Variants in ATXN1 observed in about 807,000 individuals in gnomAD.
ATXN1 encodes the protein ataxin-1.
ATXN1 carries 8 observed loss-of-function variants against 56.4 expected under a neutral mutation model. The ratio of observed to expected loss-of-function variants is 0.14; its 90% confidence interval spans 0.08 to 0.26. ATXN1 has a LOEUF of 0.26. Ranked by LOEUF, ATXN1 falls within the 10% of genes least tolerant of loss-of-function variation. ATXN1 has a pLI of 1.00. For missense variants in ATXN1, 987 were observed against 1,106.5 expected (o/e 0.89, Z 1.53); for synonymous variants, 514 against 494.6 (o/e 1.04, Z -0.52).
At chr6:16,530,540 G>A (rs1285778340) in intron 4 of ATXN1, among the ~76,000 whole-genome samples, 1 of 152,104 alleles carries the variant, frequency 6.6e-6, no homozygotes, top group Non-Finnish European at 1.5e-5. Flanking sequence ...ATCTTATTTG[G>A]ACTGTACAAA....
intron 4 of ATXN1, among the ~76,000 whole-genome samples, chr6:16,550,518 T>G (rs2113727577): frequency 6.6e-6 from 1 of 152,370 alleles, no homozygotes; most frequent in East Asian, 1.9e-4. Flanking sequence ...TGGTTACTGT[T>G]GACTATGCTC....
intron 6 of ATXN1, among the ~76,000 whole-genome samples, chr6:16,360,673 G>C (rs1219922459): frequency 6.6e-6 from 1 of 152,168 alleles, no homozygotes; most frequent in Non-Finnish European, 1.5e-5. Flanking sequence ...AAGTCCTTTA[G>C]CCAATCTTAG....
intron 2 of ATXN1, among the ~76,000 whole-genome samples, chr6:16,732,237 A>T (rs10484367): frequency 0.15 from 22,079 of 152,046 alleles, 1,676 homozygotes; most frequent in Middle Eastern, 0.24. Context: ...TCTCATCGTT[A>T]TACTGCTTGG....
rs184499487 is a variant in ATXN1, at chr6:16,504,471, A to G, written c.-299+18156T>C. On this transcript the variant is annotated intron_variant, in intron 5 of 7. Coordinates refer to ENST00000436367, the MANE Select transcript of ATXN1 (RefSeq NM_001128164.2). The stretch of plus-strand genomic sequence containing the variant: ...GTAGCACCCCCACCCCCAGAAACTA[A>G]TCATTTAATCTACAGTGCATATTAT... Among the ~76,000 whole-genome samples the G allele has an allele frequency of 3.3e-4, 51 of 152,296 alleles. 1 individual carries two copies. Among genetic ancestry groups the G allele is most frequent in the Non-Finnish European group, 1.0e-4 (7 of 68,014 alleles).
intron 5 of ATXN1, among the ~76,000 whole-genome samples, chr6:16,499,794 G>T (rs1440250129): frequency 2.0e-5 from 3 of 152,324 alleles, no homozygotes; most frequent in Non-Finnish European, 4.4e-5. Context: ...TACAGTGTAG[G>T]TTGTAGAATT....
intron 6 of ATXN1, among the ~76,000 whole-genome samples, chr6:16,385,457 G>A (rs10949352): frequency 0.12 from 17,793 of 152,140 alleles, 1,098 homozygotes; most frequent in African/African-American, 0.14. Flanking sequence ...CAGGGGAGAT[G>A]TCCCAGGCAG....
At chr6:16,578,798 C>T (rs550993949) in intron 4 of ATXN1, among the ~76,000 whole-genome samples, 18 of 152,088 alleles carry the variant, frequency 1.2e-4, no homozygotes, top group African/African-American at 4.3e-4. Context: ...ATAAGCCCCC[C>T]TTTTTGGGGT....
chr6:16,446,811 T>C (rs1040357850), intron 6 of ATXN1, among the ~76,000 whole-genome samples: 1 of 152,204 alleles, frequency 6.6e-6, no homozygotes, highest in African/African-American at 2.4e-5. Flanking sequence ...GATCAGACCA[T>C]ACTCTCTACA....
At chr6:16,676,289 T>G (rs1365072749) in intron 2 of ATXN1, among the ~76,000 whole-genome samples, 1 of 152,226 alleles carries the variant, frequency 6.6e-6, no homozygotes, top group Non-Finnish European at 1.5e-5. Context: ...GACTCAGGTT[T>G]TAAGACCCTG....
At chr6:16,711,765 G>A (rs531212994) in intron 2 of ATXN1, among the ~76,000 whole-genome samples, 7 of 152,018 alleles carry the variant, frequency 4.6e-5, no homozygotes, top group East Asian at 1.9e-4. Flanking sequence ...TTACAGGTGC[G>A]TGCCACTGCT....
At position 16,326,781 on chromosome 6, in the gene ATXN1, C is replaced by A; in HGVS notation, c.1530G>T (p.Thr510=). The A allele has an allele frequency of 6.2e-7, 1 of 1,611,624 alleles. No individual in the cohort carries two copies. The change falls in exon 7 of 8, where the codon ACG becomes ACT. Residue 510 remains threonine, a synonymous_variant. Coordinates refer to ENST00000436367, the MANE Select transcript of ATXN1 (RefSeq NM_001128164.2). The surrounding 1 kb of genome is among the most constrained non-coding windows in gnomAD (Gnocchi z 6.6). ...EASGAAPAIV[T]SSPQFAAVPH... ...GCACTGCAGCAAACTGGGGGGATGA[C>A]GTGACTATGGCCGGGGCTGCCCCCG...
At chr6:16,433,789 C>A (rs1759334956) in intron 6 of ATXN1, among the ~76,000 whole-genome samples, 1 of 152,238 alleles carries the variant, frequency 6.6e-6, no homozygotes, top group South Asian at 2.1e-4. Flanking sequence ...GAGTGACAGT[C>A]TGCAGACCTG....
intron 6 of ATXN1, among the ~76,000 whole-genome samples, chr6:16,474,967 A>C (rs1760297976): frequency 6.6e-6 from 1 of 152,096 alleles, no homozygotes; most frequent in Non-Finnish European, 1.5e-5. Flanking sequence ...ATTAGACTAG[A>C]CTGTTTTTAC....
At chr6:16,329,925 G>A (rs1457583697) in intron 6 of ATXN1, among the ~76,000 whole-genome samples, 1 of 152,232 alleles carries the variant, frequency 6.6e-6, no homozygotes, top group Non-Finnish European at 1.5e-5. Flanking sequence ...GCAAGCAGCG[G>A]ATGTGATTGC....
chr6:16,359,263 A>C (rs1167909297), intron 6 of ATXN1, among the ~76,000 whole-genome samples: 4 of 152,152 alleles, frequency 2.6e-5, no homozygotes, highest in Non-Finnish European at 4.4e-5. Flanking sequence ...CCGGGCTGCC[A>C]GTCCTGCCGA....
In ATXN1 at chr6:16,410,500, C is replaced by T. The variant is rs764642891; in HGVS notation, c.-161+75472G>A. ...CTATGTTGGGCTTTTTCTGATGTAG[C>T]GATATTTTGGAGATTATGGTTCAAC... On this transcript the variant is annotated intron_variant, in intron 6 of 7. Transcript: ENST00000436367. The surrounding 1 kb of genome is among the most constrained non-coding windows in gnomAD (Gnocchi z 4.6). Among the ~76,000 whole-genome samples the T allele has an allele frequency of 7.9e-5, 12 of 152,078 alleles. No individual in the cohort carries two copies. Among genetic ancestry groups the T allele is most frequent in the African/African-American group, 1.7e-4 (7 of 41,408 alleles).
chr6:16,565,589 A>G (rs1305375180), intron 4 of ATXN1, among the ~76,000 whole-genome samples: 1 of 152,222 alleles, frequency 6.6e-6, no homozygotes, highest in Non-Finnish European at 1.5e-5. Context: ...AATAATTTCC[A>G]CATGAACCAG....
chr6:16,470,076 A>T (rs1760188092), intron 6 of ATXN1, among the ~76,000 whole-genome samples: 1 of 152,238 alleles, frequency 6.6e-6, no homozygotes, highest in African/African-American at 2.4e-5. Flanking sequence ...AGGTGGAAGC[A>T]ACCCAAGTGC....
At chr6:16,636,471 C>T (rs1763599386) in intron 3 of ATXN1, among the ~76,000 whole-genome samples, 1 of 152,192 alleles carries the variant, frequency 6.6e-6, no homozygotes, top group African/African-American at 2.4e-5. Context: ...GACAGGCCCT[C>T]ATGTCTTGAG....
Sources: allele counts gnomAD v4.1 joint callset (sites outside exome capture counted in the v4.1 genomes callset), GRCh38; gene constraint gnomAD v4.1.1; non-coding constraint Gnocchi (gnomAD v3.1); transcripts MANE v1.5; gene names NCBI Gene and HGNC (gene_info 2026-07-23, HGNC 2026-07-21).